GRXCR1: variants seen among roughly 807,000 people sequenced by gnomAD.
GRXCR1 encodes glutaredoxin domain-containing cysteine-rich protein 1.
Under a neutral mutation model 27.3 loss-of-function variants are expected in GRXCR1, and 27 were observed. That is an observed-to-expected ratio of 0.99 (90% confidence interval 0.73 to 1.37). The LOEUF (loss-of-function observed/expected upper bound fraction) is 1.37. Among genes scored for constraint, GRXCR1 ranks in the 40% most tolerant of loss-of-function variants. The probability of loss-of-function intolerance (pLI) is 0.00; values close to 1 mark genes in which losing one functional copy is unlikely to be tolerated. For synonymous variants in GRXCR1, 122 were observed against 131.1 expected, an observed-to-expected ratio of 0.93 and a Z score of 0.47; for missense variants, 379 against 354.4, an observed-to-expected ratio of 1.07 and a Z score of -0.56.
At chr4:42,904,724 A>G (rs764538151) in intron 1 of GRXCR1, among the ~76,000 whole-genome samples, 6 of 152,170 alleles carry the variant, frequency 3.9e-5, no homozygotes, top group Non-Finnish European at 7.3e-5. Flanking sequence ...TCCTTCTTCA[A>G]ACAAATTGTG....
intron 1 of GRXCR1, among the ~76,000 whole-genome samples, chr4:42,913,492 G>T (rs946288931): frequency 3.9e-5 from 6 of 152,178 alleles, no homozygotes; most frequent in African/African-American, 1.2e-4. Flanking sequence ...GAACTAAAGA[G>T]AAATGATTTA....
chr4:42,960,347 G>T (rs986225381), intron 1 of GRXCR1, among the ~76,000 whole-genome samples: 3 of 151,922 alleles, frequency 2.0e-5, no homozygotes, highest in African/African-American at 7.2e-5. Flanking sequence ...AGAAAAAAGA[G>T]AACTTCGGTG....
At chr4:42,936,432 G>T (rs977510840) in intron 1 of GRXCR1, among the ~76,000 whole-genome samples, 4 of 151,866 alleles carry the variant, frequency 2.6e-5, no homozygotes, top group African/African-American at 7.2e-5. Flanking sequence ...GCCTTTTAAA[G>T]AATTTTTTAT....
rs574190700 is a variant in GRXCR1 at position 42,910,244 on chromosome 4, G to C, written c.384+16594G>C. Among the ~76,000 whole-genome samples the C allele has an allele frequency of 2.6e-5, 4 of 152,154 alleles. No individual in the cohort carries two copies. In the South Asian group the frequency reaches 8.3e-4, roughly 32 times the overall value. ...CATCAGGTTCCTCCCTCAACAACTG[G>C]GGAATACAATTCAAGATGAGATTTG... On this transcript the variant is annotated intron_variant, in intron 1 of 3. Coordinates refer to ENST00000399770, the MANE Select transcript of GRXCR1 (RefSeq NM_001080476.3).
At chr4:42,926,824 A>G (rs115096406) in intron 1 of GRXCR1, among the ~76,000 whole-genome samples, 1,703 of 152,114 alleles carry the variant, frequency 0.011, 13 homozygotes, top group African/African-American at 0.026. Context: ...CCCAAATAGC[A>G]TATTGGTTTT....
intron 3 of GRXCR1, among the ~76,000 whole-genome samples, chr4:43,023,622 C>T (rs1327687319): frequency 6.6e-6 from 1 of 152,156 alleles, no homozygotes. Context: ...CCTGAAATGA[C>T]AGTTTGCAGG....
In GRXCR1 at chr4:43,007,814, G is replaced by A. The variant is rs536435918; in HGVS notation, c.628-12540G>A. 1.5e-4 allele frequency among the ~76,000 whole-genome samples: 23 copies of A among 152,292 alleles called. No homozygotes were observed. The East Asian group carries it at 4.2e-3, about 28-fold the overall frequency. On this transcript the variant is annotated intron_variant, in intron 2 of 3. Coordinates refer to ENST00000399770, the MANE Select transcript of GRXCR1 (RefSeq NM_001080476.3). ...AAGTCCAAATCATTTCCATGTGAGAGTTTTTGCTTTGGATCTTAGAAGCTG... is the reference window on the plus strand; with the variant it reads ...AAGTCCAAATCATTTCCATGTGAGAATTTTTGCTTTGGATCTTAGAAGCTG...
intron 2 of GRXCR1, among the ~76,000 whole-genome samples, chr4:42,991,604 G>A (rs952964842): frequency 3.9e-5 from 6 of 151,998 alleles, no homozygotes; most frequent in Non-Finnish European, 8.8e-5. Flanking sequence ...GAAGCAGCCA[G>A]GAGTTCTTTG....
intron 1 of GRXCR1, among the ~76,000 whole-genome samples, chr4:42,894,855 C>T (rs1016372543): frequency 6.6e-6 from 1 of 152,008 alleles, no homozygotes; most frequent in African/African-American, 2.4e-5. Flanking sequence ...TCTTAGTGGC[C>T]ACCAAGTTTC....
chr4:42,954,801 C>T (rs1001335309), intron 1 of GRXCR1, among the ~76,000 whole-genome samples: 16 of 152,052 alleles, frequency 1.1e-4, no homozygotes, highest in Admixed American at 2.6e-4. Context: ...AGAATGGAAA[C>T]AGATCTAGGA....
At chr4:42,963,203 C>CTA in intron 2 of GRXCR1, 69 bp downstream of exon 2, 5 of 1,559,054 alleles carry the variant, frequency 3.2e-6, no homozygotes, top group Non-Finnish European at 4.4e-6. Flanking sequence ...CTATAACCAT[C>CTA]TATACATTTG....
chr4:42,959,842 C>G (rs1045700132), intron 1 of GRXCR1, among the ~76,000 whole-genome samples: 4 of 151,764 alleles, frequency 2.6e-5, no homozygotes, highest in African/African-American at 9.7e-5. Context: ...ATTCAGAGGC[C>G]CCAGCCTGGT....
intron 2 of GRXCR1, among the ~76,000 whole-genome samples, chr4:43,015,545 A>G (rs1378364661): frequency 1.3e-5 from 2 of 152,132 alleles, no homozygotes; most frequent in Non-Finnish European, 1.5e-5. Context: ...AGATATTGTT[A>G]TATTGTTTAG....
rs578068216 is a variant in GRXCR1 at position 42,937,600 on chromosome 4, A to G, written c.385-25292A>G. ...TCTGAATCAAGCTAAACACGAGTTC[A>G]TACTGGTGCCCATGACTCTAATCCA... On this transcript the variant is annotated intron_variant, in intron 1 of 3. Transcript: ENST00000399770. Among the ~76,000 whole-genome samples the G allele has an allele frequency of 8.6e-5, 13 of 152,006 alleles. 1 individual carries two copies. The highest frequency in any genetic ancestry group is 2.9e-4 in the African/African-American group (12 of 41,532).
At chr4:42,979,995 G>A (rs1056848351) in intron 2 of GRXCR1, among the ~76,000 whole-genome samples, 2 of 151,604 alleles carry the variant, frequency 1.3e-5, no homozygotes, top group African/African-American at 4.8e-5. Context: ...TATTTCTCTT[G>A]TATCAATTGT....
At chr4:43,000,295 T>C (rs764280446) in intron 2 of GRXCR1, among the ~76,000 whole-genome samples, 1 of 151,888 alleles carries the variant, frequency 6.6e-6, no homozygotes, top group Non-Finnish European at 1.5e-5. Flanking sequence ...CTGGCCAACA[T>C]GGTGAAACTG....
At chr4:42,979,596 A>G (rs1329843714) in intron 2 of GRXCR1, among the ~76,000 whole-genome samples, 1 of 151,952 alleles carries the variant, frequency 6.6e-6, no homozygotes, top group African/African-American at 2.4e-5. Flanking sequence ...ATATTGGCCT[A>G]TAGTTTATTT....
At chr4:42,937,581 T>G (rs1747489980) in intron 1 of GRXCR1, among the ~76,000 whole-genome samples, 1 of 151,900 alleles carries the variant, frequency 6.6e-6, no homozygotes. Flanking sequence ...TGTATCTGAA[T>G]CAAGCTAAAC....
In GRXCR1 at chr4:42,995,603, C is replaced by T. The variant is rs374230627; in HGVS notation, c.628-24751C>T. On this transcript the variant is annotated intron_variant, in intron 2 of 3. Coordinates refer to ENST00000399770, the MANE Select transcript of GRXCR1 (RefSeq NM_001080476.3). The stretch of plus-strand genomic sequence containing the variant: ...CCTATGCACAAAGCTAATTGAGTGG[C>T]GTTGAGAAAAGCCACACGTGGTGCA... Among the ~76,000 whole-genome samples, 14 of 152,070 alleles carry T rather than the reference C, an allele frequency of 9.2e-5. No individual in the cohort carries two copies. The East Asian group carries it at 9.6e-4, about 10-fold the overall frequency.
Sources: gnomAD v4.1 joint callset for allele counts (sites outside exome capture counted in the v4.1 genomes callset) on GRCh38, gnomAD v4.1.1 for gene constraint, MANE v1.5 for transcripts, NCBI Gene and HGNC (gene_info 2026-07-23, HGNC 2026-07-21) for gene names.